Variants in LIMK2 observed in about 807,000 individuals in gnomAD.
The protein encoded by LIMK2 is LIM domain kinase 2.
LIMK2 carries 35 observed loss-of-function variants against 75.7 expected under a neutral mutation model. That is an observed-to-expected ratio of 0.46 (90% CI 0.35 to 0.61). LIMK2 has a LOEUF of 0.61. LIMK2 is among the 20% of genes least tolerant of loss of function. The pLI is 0.00. For missense variants in LIMK2, 623 were observed against 831.0 expected, an observed-to-expected ratio of 0.75 and a Z score of 3.08; for synonymous variants, 301 against 319.2, an observed-to-expected ratio of 0.94 and a Z score of 0.61.
At chr22:31,273,272 T>C (rs906973730) in intron 13 of LIMK2, among the ~76,000 whole-genome samples, 180 bp from the exon 14 acceptor site, 8 of 152,164 alleles carry the variant, frequency 5.3e-5, no homozygotes, top group African/African-American at 1.9e-4. Context: ...TCCAAGGCAG[T>C]TCACCTACAG....
At chr22:31,220,436 G>A (rs1464122917) in intron 1 of LIMK2, among the ~76,000 whole-genome samples, 2 of 152,172 alleles carry the variant, frequency 1.3e-5, no homozygotes, top group Non-Finnish European at 2.9e-5. Flanking sequence ...AGGAATGTCT[G>A]TTTTGCACCA....
intron 1 of LIMK2, among the ~76,000 whole-genome samples, chr22:31,224,343 A>T (rs138552584): frequency 6.6e-6 from 1 of 152,122 alleles, no homozygotes; most frequent in Non-Finnish European, 1.5e-5. Flanking sequence ...AGTCTTCCCT[A>T]TCTTGCAAGG....
At chr22:31,244,137 C>T (rs1431411485) in intron 2 of LIMK2, among the ~76,000 whole-genome samples, 3 of 152,204 alleles carry the variant, frequency 2.0e-5, no homozygotes, top group South Asian at 4.1e-4. Context: ...GAGAGGAGAG[C>T]GCCTGCAGCC....
chr22:31,274,307 A>C (rs1003685215), intron 14 of LIMK2, among the ~76,000 whole-genome samples: 3 of 152,196 alleles, frequency 2.0e-5, no homozygotes, highest in African/African-American at 7.2e-5. Context: ...ACTCAAACAC[A>C]CACACATTCA....
At chr22:31,266,398 T>C (rs2048896098) in intron 8 of LIMK2, among the ~76,000 whole-genome samples, 1 of 152,070 alleles carries the variant, frequency 6.6e-6, no homozygotes, top group African/African-American at 2.4e-5. Flanking sequence ...TCAGTGGGTG[T>C]TTGTTAGGTG....
At chr22:31,276,549 G>A (rs1019713969) in intron 15 of LIMK2, among the ~76,000 whole-genome samples, 3 of 145,714 alleles carry the variant, frequency 2.1e-5, no homozygotes, top group Non-Finnish European at 3.0e-5. Context: ...CGGGGGCTCC[G>A]CATGCTGCAG....
chr22:31,267,774 AG>A lies in LIMK2; in HGVS notation c.1129del. The A allele has an allele frequency of 1.9e-6, 3 of 1,587,144 alleles. No individual in the cohort carries two copies. Among genetic ancestry groups the A allele is most frequent in the Non-Finnish European group, 2.6e-6 (3 of 1,170,070 alleles). ...GCTTTCCTTGGCTTCCCCCACCCCC[AG>A]GTGAAAGTGATGCGCAGCCTGGACC... On this transcript the variant is annotated splice_acceptor_variant, in intron 9 of 15. Coordinates refer to ENST00000331728, the MANE Select transcript of LIMK2 (RefSeq NM_005569.4). LOFTEE classifies it high-confidence loss of function.
chr22:31,232,451 T>A (rs568656529), intron 2 of LIMK2, among the ~76,000 whole-genome samples: 2 of 152,248 alleles, frequency 1.3e-5, no homozygotes, highest in South Asian at 2.1e-4. Flanking sequence ...TAGAATGGTT[T>A]AATGTGAAGG....
chr22:31,266,347 C>T (rs1450522050), intron 8 of LIMK2, among the ~76,000 whole-genome samples: 1 of 152,138 alleles, frequency 6.6e-6, no homozygotes, highest in Non-Finnish European at 1.5e-5. Flanking sequence ...CCTGGAGATC[C>T]AGGTTGGGTT....
In LIMK2 at chr22:31,262,225, C is replaced by G. The variant is rs2048847827; in HGVS notation, c.643C>G (p.Leu215Val). ...LEINGTPVRTLRVEEVEDAIS... is the reference protein window; with the variant it reads ...LEINGTPVRTVRVEEVEDAIS... ...GATCAATGGGACCCCCGTCCGCACA[C>G]TTCGAGTGGAGGAGGTAGAGTGTGT... Residue 215 changes from leucine (L) to valine (V), a missense_variant, in exon 6 of 16, where the codon CTT becomes GTT. Transcript: ENST00000331728. The surrounding 1 kb of genome is among the most constrained non-coding windows in gnomAD (Gnocchi z 5.0). 6.2e-7 allele frequency: 1 copy of G among 1,612,498 alleles called. No individual in the cohort carries two copies. The highest frequency in any genetic ancestry group is 8.5e-7 in the Non-Finnish European group (1 of 1,178,442).
At chr22:31,228,142 C>T (rs932554419) in intron 2 of LIMK2, among the ~76,000 whole-genome samples, 2 of 151,978 alleles carry the variant, frequency 1.3e-5, no homozygotes, top group African/African-American at 2.4e-5. Context: ...GCAGGCCAGG[C>T]GTGGTGGCTC....
In LIMK2 at chr22:31,259,331, A is replaced by G. The variant is rs1877330609; in HGVS notation, c.362+101A>G. 1.3e-5 allele frequency: 9 copies of G among 699,548 alleles called. No homozygotes were observed. The South Asian group carries it at 1.4e-4, about 11-fold the overall frequency. 43.3% of individuals were successfully genotyped at this position (699,548 alleles called of 1,614,324 possible). A position where few individuals can be genotyped will look rare whatever the true frequency, so the allele number is the denominator to read the frequency against. The stretch of plus-strand genomic sequence containing the variant: ...GGGCAGAAGGAGTGTTAGGGTAGTC[A>G]GAGCATTGGATTCTTACCACAGCAG... On this transcript the variant is annotated intron_variant, in intron 4 of 15. Transcript: ENST00000331728.
rs187177327 is a variant in LIMK2 at position 31,265,351 on chromosome 22, G to C, written c.855-595G>C. Among the ~76,000 whole-genome samples, 346 of 152,176 alleles carry C rather than the reference G, an allele frequency of 2.3e-3. 6 individuals carry two copies. The South Asian group carries it at 0.033, about 15-fold the overall frequency. ...ATTGCACTTCAGCCTGGGCGACAGA[G>C]CGAGACTCTGTCTCAAAAATAATAA... On this transcript the variant is annotated intron_variant, in intron 7 of 15. Transcript: ENST00000331728.
At chr22:31,265,431 A>G (rs1436302498) in intron 7 of LIMK2, among the ~76,000 whole-genome samples, 1 of 150,308 alleles carries the variant, frequency 6.7e-6, no homozygotes, top group African/African-American at 2.5e-5. Flanking sequence ...CCAGTTACTC[A>G]GGAGGCGGAG....
chr22:31,272,964 A>G, intron 13 of LIMK2: 1 of 1,250,698 alleles, frequency 8.0e-7, no homozygotes, highest in Non-Finnish European at 1.0e-6. Context: ...CTAAGAGCTC[A>G]GGCTATTGTC....
rs2049032839 is a variant in LIMK2, at chr22:31,276,931, C to T, written c.1773-1366C>T. The T allele has an allele frequency of 1.4e-5, 22 of 1,613,564 alleles. No individual in the cohort carries two copies. Among genetic ancestry groups the T allele is most frequent in the Non-Finnish European group, 1.8e-5 (21 of 1,179,828 alleles). On this transcript the variant is annotated intron_variant, in intron 15 of 15. Coordinates refer to ENST00000331728, the MANE Select transcript of LIMK2 (RefSeq NM_005569.4). ...CCTAGAGGAGTGGATCCTGGAGCAG[C>T]TCACGCGCCTCTACGACTGCCAGGA...
At position 31,262,806 on chromosome 22, in the gene LIMK2, C is replaced by A. The variant is rs1278482444; in HGVS notation, c.854+15C>A. 6.4e-7 allele frequency: 1 copy of A among 1,570,212 alleles called. No homozygotes were observed. The highest frequency in any genetic ancestry group is 8.7e-7 in the Non-Finnish European group (1 of 1,155,348). Reference sequence around the variant, plus strand: ...CGTTCCCTAAGGTGCCACCTCCCACCCTGGCTCTGTTCTGTCCTATGTCTG... The same window carrying A: ...CGTTCCCTAAGGTGCCACCTCCCACACTGGCTCTGTTCTGTCCTATGTCTG... On this transcript the variant is annotated intron_variant, in intron 7 of 15. Coordinates refer to ENST00000331728, the MANE Select transcript of LIMK2 (RefSeq NM_005569.4). The surrounding 1 kb of genome is among the most constrained non-coding windows in gnomAD (Gnocchi z 5.0).
At chr22:31,247,812 C>T (rs145509537) in intron 2 of LIMK2, among the ~76,000 whole-genome samples, 1 of 152,278 alleles carries the variant, frequency 6.6e-6, no homozygotes, top group African/African-American at 2.4e-5. Flanking sequence ...TAGGTTAATA[C>T]TCTGGGCCTT....
chr22:31,276,690 G>C (rs59315359), intron 15 of LIMK2: 2 of 1,160,918 alleles, frequency 1.7e-6, no homozygotes, highest in Non-Finnish European at 2.1e-6. Context: ...GGAGGCCGCC[G>C]TGGCGGACAG....
Sources: allele counts gnomAD v4.1 joint callset (sites outside exome capture counted in the v4.1 genomes callset), GRCh38; gene constraint gnomAD v4.1.1; non-coding constraint Gnocchi (gnomAD v3.1); transcripts MANE v1.5; gene names NCBI Gene and HGNC (gene_info 2026-07-23, HGNC 2026-07-21).